The following PIGK variants were observed in gnomAD, a reference collection of about 807,000 sequenced individuals.
PIGK encodes the protein GPI-anchor transamidase.
Under a neutral mutation model 50.6 loss-of-function variants are expected in PIGK, and 42 were observed. That is an observed-to-expected ratio of 0.83 (90% confidence interval 0.65 to 1.07). The LOEUF (loss-of-function observed/expected upper bound fraction) is 1.07, where lower values mean the gene tolerates loss of function less well. Ranked by LOEUF, PIGK falls within the 50% of genes least tolerant of loss-of-function variation. The pLI is 0.00. For synonymous variants in PIGK, 151 were observed against 156.0 expected (o/e 0.97, Z 0.24); for missense variants, 448 against 488.7 (o/e 0.92, Z 0.78).
At chr1:77,098,963 C>A (rs1653482471) in intron 10 of PIGK, among the ~76,000 whole-genome samples, 1 of 151,846 alleles carries the variant, frequency 6.6e-6, no homozygotes, top group Non-Finnish European at 1.5e-5. Context: ...GGAAAATAAC[C>A]CATTAACATG....
chr1:77,160,069 G>T (rs1655100335), intron 8 of PIGK, among the ~76,000 whole-genome samples: 1 of 152,184 alleles, frequency 6.6e-6, no homozygotes, highest in South Asian at 2.1e-4. Flanking sequence ...GACTTGGTGG[G>T]AGGTAATTTA....
chr1:77,143,195 C>G (rs976928420), intron 9 of PIGK, among the ~76,000 whole-genome samples: 1 of 152,238 alleles, frequency 6.6e-6, no homozygotes, highest in East Asian at 1.9e-4. Context: ...TGTCTTATTA[C>G]TAATTAGTAA....
intron 9 of PIGK, among the ~76,000 whole-genome samples, chr1:77,126,215 G>A (rs560100008): frequency 1.3e-5 from 2 of 151,902 alleles, no homozygotes; most frequent in East Asian, 3.9e-4. Flanking sequence ...CTTTTTATTT[G>A]TGCTTTCATT....
intron 3 of PIGK, among the ~76,000 whole-genome samples, chr1:77,189,342 T>C (rs973657670): frequency 6.6e-6 from 1 of 152,158 alleles, no homozygotes; most frequent in Non-Finnish European, 1.5e-5. Flanking sequence ...GAGTGTCAAC[T>C]TGATTGCATT....
In PIGK at chr1:77,144,093, G is replaced by T. The variant is rs138443496; in HGVS notation, c.986+10356C>A. On this transcript the variant is annotated intron_variant, in intron 9 of 10. Coordinates refer to ENST00000370812, the MANE Select transcript of PIGK (RefSeq NM_005482.3). ...GTTACATAGCTAGTAAACGGCAGAG[G>T]ATCTGAATTTAGGAGCTTATTGATT... is the stretch of plus-strand genomic sequence containing the variant. 1.3e-3 allele frequency among the ~76,000 whole-genome samples: 198 copies of T among 152,110 alleles called. 3 individuals are homozygous for T. The East Asian group carries it at 0.013, about 10-fold the overall frequency.
At position 77,194,895 on chromosome 1, in the gene PIGK, G is replaced by A. The variant is rs115693359; in HGVS notation, c.239+11745C>T. 381 of 483,624 alleles carry A rather than the reference G, an allele frequency of 7.9e-4. 2 individuals are homozygous for A. The highest frequency in any genetic ancestry group is 6.7e-3 in the African/African-American group (341 of 50,830). The allele number at this position is 483,624 out of a possible 1,614,324, so 30.0% of individuals were successfully genotyped here. On this transcript the variant is annotated intron_variant, in intron 3 of 10. Coordinates refer to ENST00000370812, the MANE Select transcript of PIGK (RefSeq NM_005482.3). ...AAACCAACCTGATATTTCGGACAGG[G>A]AACCAGGTGGTCAAATGGATGGACA...
intron 5 of PIGK, among the ~76,000 whole-genome samples, chr1:77,164,819 G>T (rs558397178): frequency 6.6e-6 from 1 of 152,140 alleles, no homozygotes; most frequent in African/African-American, 2.4e-5. Context: ...TCAATGCACT[G>T]CTGTGAGAAT....
intron 3 of PIGK, among the ~76,000 whole-genome samples, chr1:77,204,826 A>C (rs1656253818): frequency 6.6e-6 from 1 of 152,158 alleles, no homozygotes; most frequent in Non-Finnish European, 1.5e-5. Context: ...ACAACTGATA[A>C]AATATTTCCA....
At chr1:77,211,057 C>T (rs1279544778) in intron 1 of PIGK, among the ~76,000 whole-genome samples, 2 of 151,924 alleles carry the variant, frequency 1.3e-5, no homozygotes, top group Non-Finnish European at 2.9e-5. Context: ...AACCTCGCCC[C>T]ACCATTTTTC....
intron 8 of PIGK, among the ~76,000 whole-genome samples, chr1:77,156,727 A>C (rs1258597388): frequency 1.3e-5 from 2 of 152,164 alleles, no homozygotes; most frequent in African/African-American, 4.8e-5. Flanking sequence ...TTCCAAGAAA[A>C]AGTTATGACT....
At position 77,102,606 on chromosome 1, in the gene PIGK, CT is replaced by C. The variant is rs1340654887; in HGVS notation, c.1072-10117del. 2.6e-5 allele frequency among the ~76,000 whole-genome samples: 4 copies of C among 152,268 alleles called. No individual in the cohort carries two copies. The East Asian group carries it at 7.7e-4, about 29-fold the overall frequency. ...TCTTCCCCACACCCTCCAGAAATGA[CT>C]GACATCTTGATTTTAGCCCAGTGAG... On this transcript the variant is annotated intron_variant, in intron 10 of 10. Coordinates refer to ENST00000370812, the MANE Select transcript of PIGK (RefSeq NM_005482.3).
intron 8 of PIGK, among the ~76,000 whole-genome samples, chr1:77,155,700 T>C (rs2100552145): frequency 1.3e-5 from 2 of 152,192 alleles, no homozygotes; most frequent in South Asian, 4.2e-4. Context: ...AATTATTTAG[T>C]TTGGCTGAAG....
chr1:77,111,089 T>C (rs1036318860), intron 10 of PIGK, among the ~76,000 whole-genome samples: 17 of 152,054 alleles, frequency 1.1e-4, no homozygotes, highest in African/African-American at 3.6e-4. Flanking sequence ...ATGGCGATCA[T>C]TAAAAAGTCA....
chr1:77,218,822 T>G (rs1368318014), intron 1 of PIGK, among the ~76,000 whole-genome samples: 2 of 152,114 alleles, frequency 1.3e-5, no homozygotes, highest in Non-Finnish European at 2.9e-5. Context: ...TCTCTTCCAT[T>G]TCTTAACCCA....
chr1:77,102,614 T>G (rs905362997), intron 10 of PIGK, among the ~76,000 whole-genome samples: 1 of 152,140 alleles, frequency 6.6e-6, no homozygotes, highest in African/African-American at 2.4e-5. Flanking sequence ...GACTGACATC[T>G]TGATTTTAGC....
chr1:77,178,249 T>C (rs754569579), intron 3 of PIGK, among the ~76,000 whole-genome samples: 11 of 152,344 alleles, frequency 7.2e-5, no homozygotes, highest in Non-Finnish European at 1.5e-4. Context: ...CATTGGTTCA[T>C]TCCTCTTAAC....
Position 77,219,281 on chromosome 1 carries a change from G to A in PIGK, c.93+29C>T, listed in dbSNP as rs149116415. Reference sequence around the variant, plus strand: ...CTGGAGGGCTCACAGCCGGCCTCCCGGCTGTGGTCAAATGAGCCTGACTCC... The same window carrying A: ...CTGGAGGGCTCACAGCCGGCCTCCCAGCTGTGGTCAAATGAGCCTGACTCC... On this transcript the variant is annotated intron_variant, in intron 1 of 10. Transcript: ENST00000370812. 63 of 1,589,602 alleles carry A rather than the reference G, an allele frequency of 4.0e-5. No individual in the cohort carries two copies. The African/African-American group carries it at 7.6e-4, about 19-fold the overall frequency.
intron 10 of PIGK, among the ~76,000 whole-genome samples, chr1:77,115,432 T>C (rs908795765): frequency 6.6e-6 from 1 of 150,986 alleles, no homozygotes; most frequent in Non-Finnish European, 1.5e-5. Context: ...TCAGAAAAGG[T>C]GAGGGCATTT....
At chr1:77,168,455 A>C (rs1391248113) in intron 4 of PIGK, among the ~76,000 whole-genome samples, 1 of 152,092 alleles carries the variant, frequency 6.6e-6, no homozygotes, top group African/African-American at 2.4e-5. Context: ...TGTTTGGCCT[A>C]TATTTTCCTA....
Sources: allele counts gnomAD v4.1 joint callset (sites outside exome capture counted in the v4.1 genomes callset), GRCh38; gene constraint gnomAD v4.1.1; transcripts MANE v1.5; gene names NCBI Gene and HGNC (gene_info 2026-07-23, HGNC 2026-07-21).